ASTN2: variants seen among roughly 807,000 people sequenced by gnomAD.
ASTN2 encodes the protein astrotactin 2, also known as astrotactin-2.
In ASTN2, 54 loss-of-function variants were observed where a neutral mutation model predicts 139.8. The observed-to-expected ratio is 0.39, with a 90% confidence interval of 0.31 to 0.48. The LOEUF is 0.48. Among genes scored for constraint, ASTN2 ranks in the 20% least tolerant of loss-of-function variants. The pLI, the probability that ASTN2 is intolerant of heterozygous loss-of-function variation, is 0.95. For missense variants in ASTN2, 1,565 were observed against 1,725.1 expected (o/e 0.91, Z 1.64); for synonymous variants, 756 against 719.5 (o/e 1.05, Z -0.81).
chr9:117,210,202 C>G (rs1281172401), intron 3 of ASTN2, among the ~76,000 whole-genome samples: 1 of 151,804 alleles, frequency 6.6e-6, no homozygotes, highest in Non-Finnish European at 1.5e-5. Flanking sequence ...AGAAATAGAT[C>G]AGAGCAAAAA....
chr9:116,527,066 A>G (rs1479912846), intron 19 of ASTN2, among the ~76,000 whole-genome samples: 1 of 152,200 alleles, frequency 6.6e-6, no homozygotes, highest in African/African-American at 2.4e-5. Context: ...ACTTAAATAT[A>G]AGACCTGAAA....
At chr9:116,814,738 T>G (rs113981911) in intron 12 of ASTN2, among the ~76,000 whole-genome samples, 2,436 of 152,236 alleles carry the variant, frequency 0.016, 36 homozygotes, top group Non-Finnish European at 0.026. Context: ...TAAGAGGCAG[T>G]TAGGAGTGCA....
chr9:116,581,439 C>T (rs1853948217), intron 19 of ASTN2, among the ~76,000 whole-genome samples: 1 of 152,164 alleles, frequency 6.6e-6, no homozygotes, highest in East Asian at 1.9e-4. Context: ...GTTGCTCCTG[C>T]ATTGTCCTCA....
intron 13 of ASTN2, among the ~76,000 whole-genome samples, chr9:116,738,061 G>T (rs886180658): frequency 1.6e-4 from 25 of 151,516 alleles, no homozygotes; most frequent in African/African-American, 5.6e-4. Flanking sequence ...GCGTGGTAGC[G>T]GGCGCCTGTA....
intron 4 of ASTN2, among the ~76,000 whole-genome samples, chr9:117,100,163 C>T (rs1213296791): frequency 6.6e-6 from 1 of 152,212 alleles, no homozygotes; most frequent in African/African-American, 2.4e-5. Context: ...TCCCATCTTT[C>T]CACATGTCCA....
chr9:117,142,531 A>G (rs1399135071), intron 3 of ASTN2, among the ~76,000 whole-genome samples: 4 of 152,200 alleles, frequency 2.6e-5, no homozygotes, highest in Non-Finnish European at 4.4e-5. Flanking sequence ...TGGCAGAGTC[A>G]AGCCTTCTAA....
intron 16 of ASTN2, among the ~76,000 whole-genome samples, chr9:116,662,282 A>C (rs1858606594): frequency 6.6e-6 from 1 of 152,160 alleles, no homozygotes; most frequent in African/African-American, 2.4e-5. Flanking sequence ...GTTGAGATTT[A>C]AGATAACGGG....
chr9:116,934,586 G>A (rs565351017), intron 10 of ASTN2, among the ~76,000 whole-genome samples: 1 of 152,244 alleles, frequency 6.6e-6, no homozygotes, highest in East Asian at 1.9e-4. Context: ...GACACATAGA[G>A]GGGAAAAACA....
At chr9:117,049,993 T>TG (rs1564401562) in intron 5 of ASTN2, among the ~76,000 whole-genome samples, 1 of 151,920 alleles carries the variant, frequency 6.6e-6, no homozygotes, top group African/African-American at 2.4e-5. Context: ...GGAAAGGTGG[T>TG]GGGGGGTTTC....
chr9:116,517,696 A>G (rs1202781328), intron 19 of ASTN2, among the ~76,000 whole-genome samples: 1 of 152,240 alleles, frequency 6.6e-6, no homozygotes, highest in Non-Finnish European at 1.5e-5. Flanking sequence ...AGGGCTGATT[A>G]TTATGCTAAT....
chr9:116,474,490 C>T (rs903350325), intron 20 of ASTN2, among the ~76,000 whole-genome samples: 1 of 152,160 alleles, frequency 6.6e-6, no homozygotes, highest in African/African-American at 2.4e-5. Flanking sequence ...TCCGTCTCAC[C>T]TCTGACTCTC....
chr9:117,414,757 C>T lies in ASTN2; in HGVS notation c.182G>A (p.Ser61Asn). 1 of 1,268,036 alleles carries T rather than the reference C, an allele frequency of 7.9e-7. No homozygotes were observed. Among genetic ancestry groups the T allele is most frequent in the Non-Finnish European group, 9.9e-7 (1 of 1,005,210 alleles). 78.5% of individuals were successfully genotyped at this position (1,268,036 alleles called of 1,614,324 possible). A position where few individuals can be genotyped will look rare whatever the true frequency, so the allele number is the denominator to read the frequency against. ...CGTGACGGTCTTCAGCCGGCACGGG[C>T]TGTCGGGCTCCCGCGAGGCAGCGGC... ...ATAAASREPD[S>N]PCRLKTVTVS... Residue 61 changes from serine to asparagine, a missense_variant, in exon 1 of 23, where the codon AGC becomes AAC. This residue lies in a region of ASTN2 where 596 missense variants were observed against 576.8 expected (regional missense o/e 1.03). Transcript: ENST00000313400. The surrounding 1 kb of genome is among the most constrained non-coding windows in gnomAD (Gnocchi z 4.2).
intron 19 of ASTN2, among the ~76,000 whole-genome samples, chr9:116,601,295 T>A (rs1854884806): frequency 6.6e-6 from 1 of 152,212 alleles, no homozygotes; most frequent in Non-Finnish European, 1.5e-5. Flanking sequence ...CATCTGGAAG[T>A]TAGAAGAGTT....
chr9:116,593,298 G>C (rs1189512010), intron 19 of ASTN2, among the ~76,000 whole-genome samples: 1 of 152,198 alleles, frequency 6.6e-6, no homozygotes, highest in Non-Finnish European at 1.5e-5. Context: ...ACTGGGCGTG[G>C]GCCGAAGGCA....
chr9:116,709,613 G>A (rs893506887), intron 16 of ASTN2, among the ~76,000 whole-genome samples: 2 of 152,096 alleles, frequency 1.3e-5, no homozygotes, highest in South Asian at 4.1e-4. Flanking sequence ...TCTATCCAAG[G>A]TTGCCTCTTT....
chr9:116,820,840 A>G, intron 11 of ASTN2, 57 bp from the exon 12 acceptor site: 1 of 1,526,654 alleles, frequency 6.6e-7, no homozygotes, highest in South Asian at 1.2e-5. Flanking sequence ...AGGCCCCATC[A>G]CACCCTCTCC....
chr9:117,220,586 G>A (rs1176527108), intron 2 of ASTN2, among the ~76,000 whole-genome samples: 1 of 152,160 alleles, frequency 6.6e-6, no homozygotes, highest in Non-Finnish European at 1.5e-5. Context: ...ACATGAAGAT[G>A]AAGACAGAGA....
chr9:116,469,396 C>T (rs1208713164), intron 20 of ASTN2, among the ~76,000 whole-genome samples: 1 of 151,534 alleles, frequency 6.6e-6, no homozygotes, highest in Non-Finnish European at 1.5e-5. Context: ...TTTATGTATA[C>T]AACTGGCTCC....
intron 2 of ASTN2, among the ~76,000 whole-genome samples, chr9:117,258,640 C>G (rs767226871): frequency 7.9e-5 from 12 of 152,244 alleles, no homozygotes; most frequent in Non-Finnish European, 1.6e-4. Context: ...AAAATCCAAG[C>G]CTTTATCATC....
Sources: allele counts gnomAD v4.1 joint callset (sites outside exome capture counted in the v4.1 genomes callset), GRCh38; gene constraint gnomAD v4.1.1; regional missense constraint gnomAD v4.1.1; non-coding constraint Gnocchi (gnomAD v3.1); transcripts MANE v1.5; gene names NCBI Gene and HGNC (gene_info 2026-07-23, HGNC 2026-07-21).